The following ARHGAP24 variants were observed in gnomAD, a reference collection of about 807,000 sequenced individuals.
ARHGAP24 encodes Rho GTPase activating protein 24, also known as rho GTPase-activating protein 24.
ARHGAP24 carries 50 observed loss-of-function variants against 76.4 expected under a neutral mutation model. The ratio of observed to expected loss-of-function variants is 0.65; its 90% CI spans 0.52 to 0.83. The LOEUF (loss-of-function observed/expected upper bound fraction) is 0.83. Ranked by LOEUF, ARHGAP24 falls within the 40% of genes least tolerant of loss-of-function variation. The pLI is 0.00. For synonymous variants in ARHGAP24, 345 were observed against 323.3 expected, an observed-to-expected ratio of 1.07 and a Z score of -0.72; for missense variants, 930 against 914.2, an observed-to-expected ratio of 1.02 and a Z score of -0.22.
intron 2 of ARHGAP24, among the ~76,000 whole-genome samples, chr4:85,643,234 GTTTTTTTTTTTTTTTTTT>G (rs70948741): frequency 3.7e-5 from 2 of 54,630 alleles, no homozygotes; most frequent in African/African-American, 5.9e-5. Flanking sequence ...GTTTTTTTGT[GTTTTTTTTTTTTTTTTTT>G]TTTTTTTTTT....
chr4:85,956,595 G>A (rs1737914833), intron 5 of ARHGAP24, among the ~76,000 whole-genome samples: 1 of 151,724 alleles, frequency 6.6e-6, no homozygotes, highest in African/African-American at 2.4e-5. Context: ...GAAGCCGTGG[G>A]TCATAGCTCT....
chr4:85,572,443 A>T (rs981772650), intron 2 of ARHGAP24, among the ~76,000 whole-genome samples: 1 of 152,212 alleles, frequency 6.6e-6, no homozygotes, highest in Admixed American at 6.5e-5. Flanking sequence ...ACATTTGCAC[A>T]TTCTCAAATT....
chr4:85,829,564 C>T (rs993713518), intron 3 of ARHGAP24, among the ~76,000 whole-genome samples: 4 of 152,182 alleles, frequency 2.6e-5, no homozygotes, highest in African/African-American at 9.7e-5. Flanking sequence ...GAAAAAGTTT[C>T]ATTTCACAGA....
At chr4:85,804,509 G>T (rs79644558) in intron 3 of ARHGAP24, among the ~76,000 whole-genome samples, 3,036 of 152,100 alleles carry the variant, frequency 0.02, 107 homozygotes, top group African/African-American at 0.07. Context: ...AAGAGAGCTA[G>T]GTAATACTAC....
chr4:85,674,663 T>C (rs13106652), intron 2 of ARHGAP24, among the ~76,000 whole-genome samples: 19,329 of 152,256 alleles, frequency 0.13, 1,554 homozygotes, highest in South Asian at 0.2. Context: ...ATAAGACTAA[T>C]TGTGAAAATC....
chr4:85,607,624 T>C (rs1720242277), intron 2 of ARHGAP24, among the ~76,000 whole-genome samples: 1 of 151,850 alleles, frequency 6.6e-6, no homozygotes, highest in African/African-American at 2.4e-5. Flanking sequence ...GGGATGAATT[T>C]TAAATCATAA....
At chr4:85,594,984 C>CT (rs11331286) in intron 2 of ARHGAP24, among the ~76,000 whole-genome samples, 10 of 149,016 alleles carry the variant, frequency 6.7e-5, no homozygotes, top group Admixed American at 6.7e-5. Flanking sequence ...ACTTTCTCCT[C>CT]TTTTTTTTTT....
intron 2 of ARHGAP24, among the ~76,000 whole-genome samples, chr4:85,599,221 T>C (rs1278050124): frequency 6.6e-6 from 1 of 151,874 alleles, no homozygotes; most frequent in African/African-American, 2.4e-5. Context: ...GAAGAAGGAG[T>C]TGGCATAGGG....
chr4:85,664,814 T>A (rs1353038610), intron 2 of ARHGAP24, among the ~76,000 whole-genome samples: 1 of 152,200 alleles, frequency 6.6e-6, no homozygotes, highest in Non-Finnish European at 1.5e-5. Context: ...TCCACGTAGC[T>A]GAGCAGTTTT....
At chr4:85,936,670 A>G (rs1442619068) in intron 4 of ARHGAP24, among the ~76,000 whole-genome samples, 2 of 152,212 alleles carry the variant, frequency 1.3e-5, no homozygotes, top group Non-Finnish European at 1.5e-5. Flanking sequence ...AATAATTTCC[A>G]TGCAAAATGT....
intron 1 of ARHGAP24, among the ~76,000 whole-genome samples, chr4:85,482,577 A>G (rs1192715378): frequency 6.6e-6 from 1 of 152,218 alleles, no homozygotes; most frequent in Non-Finnish European, 1.5e-5. Flanking sequence ...AACAAGTGCC[A>G]GAAGCCAAGA....
chr4:85,805,931 G>A (rs1385295529), intron 3 of ARHGAP24, among the ~76,000 whole-genome samples: 1 of 152,098 alleles, frequency 6.6e-6, no homozygotes, highest in Non-Finnish European at 1.5e-5. Flanking sequence ...CAGAATTTTG[G>A]ATATGATTTC....
intron 3 of ARHGAP24, among the ~76,000 whole-genome samples, chr4:85,772,839 ATGTC>A (rs1294461245): frequency 6.6e-6 from 1 of 152,180 alleles, no homozygotes; most frequent in Non-Finnish European, 1.5e-5. Flanking sequence ...ATTCTAAACA[ATGTC>A]TTTGAGTCTA....
At chr4:85,656,808 C>T (rs1279315576) in intron 2 of ARHGAP24, among the ~76,000 whole-genome samples, 1 of 151,676 alleles carries the variant, frequency 6.6e-6, no homozygotes, top group Non-Finnish European at 1.5e-5. Context: ...AAAAAAAATA[C>T]AAGCATGATA....
At chr4:85,490,340 T>C (rs1723304292) in intron 1 of ARHGAP24, among the ~76,000 whole-genome samples, 1 of 152,162 alleles carries the variant, frequency 6.6e-6, no homozygotes, top group Non-Finnish European at 1.5e-5. Context: ...TAAGACTGTG[T>C]TTACAGGCTT....
chr4:85,974,929 G>T lies in ARHGAP24; in HGVS notation c.774G>T (p.Val258=). The T allele has an allele frequency of 6.2e-7, 1 of 1,613,864 alleles. No individual in the cohort carries two copies. Among genetic ancestry groups the T allele is most frequent in the South Asian group, 1.1e-5 (1 of 91,076 alleles). The part of the protein sequence containing the change: ...ELAKQVKSLP[V]VNYNLLKYIC... ...CAAAGCAGGTGAAGAGTTTGCCAGT[G>T]GTAAATTACAACCTCCTCAAGTATA... Residue 258 remains valine (V), a synonymous_variant, in exon 7 of 10, where the codon GTG becomes GTT. Transcript: ENST00000395184.
intron 3 of ARHGAP24, among the ~76,000 whole-genome samples, chr4:85,887,112 A>G (rs575000412): frequency 2.0e-5 from 3 of 152,282 alleles, no homozygotes; most frequent in Non-Finnish European, 4.4e-5. Context: ...TATTTGTATC[A>G]TCTATATGTA....
At chr4:85,598,258 A>G (rs1442930684) in intron 2 of ARHGAP24, among the ~76,000 whole-genome samples, 2 of 152,108 alleles carry the variant, frequency 1.3e-5, no homozygotes, top group African/African-American at 4.8e-5. Flanking sequence ...AATAGATAGA[A>G]GGTCTAGAAA....
chr4:85,878,319 A>G (rs1733048805), intron 3 of ARHGAP24, among the ~76,000 whole-genome samples: 1 of 152,166 alleles, frequency 6.6e-6, no homozygotes, highest in African/African-American at 2.4e-5. Flanking sequence ...TGAATACCCC[A>G]TAATGAAGAT....
Sources: gnomAD v4.1 joint callset for allele counts (sites outside exome capture counted in the v4.1 genomes callset) on GRCh38, gnomAD v4.1.1 for gene constraint, MANE v1.5 for transcripts, NCBI Gene and HGNC (gene_info 2026-07-23, HGNC 2026-07-21) for gene names.